Variants in SNX29 observed in about 807,000 individuals in gnomAD.
SNX29 encodes the protein sorting nexin 29, also known as sorting nexin-29.
In SNX29, 78 loss-of-function variants were observed where a neutral mutation model predicts 102.1. The ratio of observed to expected loss-of-function variants is 0.76; its 90% CI spans 0.64 to 0.92. The LOEUF (loss-of-function observed/expected upper bound fraction) is 0.92, where lower values mean the gene tolerates loss of function less well. SNX29 is among the 40% of genes least tolerant of loss of function. The pLI, the probability that SNX29 is intolerant of heterozygous loss-of-function variation, is 0.00. For synonymous variants in SNX29, 580 were observed against 414.5 expected, an observed-to-expected ratio of 1.40 and a Z score of -4.85; for missense variants, 1,280 against 1,061.7, an observed-to-expected ratio of 1.21 and a Z score of -2.86.
At chr16:12,140,558 A>G (rs900111300) in intron 13 of SNX29, among the ~76,000 whole-genome samples, 2 of 152,126 alleles carry the variant, frequency 1.3e-5, no homozygotes, top group Non-Finnish European at 2.9e-5. Flanking sequence ...CAGCCTGCAG[A>G]TGTCCCTGAC....
intron 11 of SNX29, among the ~76,000 whole-genome samples, chr16:12,118,373 T>G (rs1399186732): frequency 7.7e-6 from 1 of 130,036 alleles, no homozygotes; most frequent in African/African-American, 3.0e-5. Context: ...CAGGCTGGAG[T>G]GCAGTGGCAC....
intron 10 of SNX29, among the ~76,000 whole-genome samples, chr16:12,075,163 T>C (rs904055777): frequency 1.3e-5 from 2 of 152,232 alleles, no homozygotes; most frequent in African/African-American, 4.8e-5. Context: ...TTCTCTCAAC[T>C]CGTCAAAGTC....
chr16:12,519,730 T>G (rs2090019775), intron 19 of SNX29, among the ~76,000 whole-genome samples: 1 of 152,230 alleles, frequency 6.6e-6, no homozygotes, highest in African/African-American at 2.4e-5. Flanking sequence ...GTCTCACACC[T>G]GTAATTCCAG....
chr16:12,339,360 G>A (rs2081546507), intron 15 of SNX29, among the ~76,000 whole-genome samples: 1 of 87,642 alleles, frequency 1.1e-5, no homozygotes. Context: ...GACAGAGTGA[G>A]ATTCTGTCTC....
chr16:12,427,198 C>T (rs150390841), intron 18 of SNX29, among the ~76,000 whole-genome samples: 5,675 of 152,188 alleles, frequency 0.037, 165 homozygotes, highest in Middle Eastern at 0.1. Flanking sequence ...GGTTTCTTCT[C>T]GGTGCCAACC....
intron 11 of SNX29, among the ~76,000 whole-genome samples, chr16:12,109,221 T>A (rs2053404172): frequency 1.3e-5 from 2 of 150,394 alleles, no homozygotes; most frequent in African/African-American, 4.9e-5. Flanking sequence ...TTGTATCTGG[T>A]GAGGACCTTC....
intron 16 of SNX29, among the ~76,000 whole-genome samples, chr16:12,383,070 A>T (rs960033716): frequency 6.6e-6 from 1 of 152,268 alleles, no homozygotes; most frequent in African/African-American, 2.4e-5. Context: ...TATTTAAAAA[A>T]TTTTTTAGAA....
intron 14 of SNX29, among the ~76,000 whole-genome samples, chr16:12,216,851 ACTTGT>A (rs2077338892): frequency 6.6e-6 from 1 of 152,146 alleles, no homozygotes; most frequent in East Asian, 1.9e-4. Context: ...CTTCAAGTTC[ACTTGT>A]CTTCTCTTCT....
chr16:12,378,627 C>T (rs1005115500), intron 16 of SNX29, among the ~76,000 whole-genome samples: 2 of 152,286 alleles, frequency 1.3e-5, no homozygotes, highest in South Asian at 4.1e-4. Context: ...CACCCAAACA[C>T]CTCTCATGTG....
At chr16:12,128,053 C>G (rs1473237803) in intron 12 of SNX29, among the ~76,000 whole-genome samples, 2 of 152,154 alleles carry the variant, frequency 1.3e-5, no homozygotes, top group African/African-American at 4.8e-5. Context: ...TGACAAGCTT[C>G]TCTCTTGTCC....
At chr16:12,566,917 C>T (rs1319036895) in intron 20 of SNX29, among the ~76,000 whole-genome samples, 2 of 152,224 alleles carry the variant, frequency 1.3e-5, no homozygotes, top group Non-Finnish European at 2.9e-5. Flanking sequence ...TAAAAGGGGT[C>T]TTCATTTTGT....
chr16:12,490,706 T>C (rs933321281), intron 19 of SNX29, among the ~76,000 whole-genome samples: 7 of 152,240 alleles, frequency 4.6e-5, no homozygotes, highest in African/African-American at 1.7e-4. Flanking sequence ...ACCAGGCACC[T>C]GTGTTCCCAC....
intron 20 of SNX29, among the ~76,000 whole-genome samples, chr16:12,543,730 T>C (rs917511687): frequency 6.6e-6 from 1 of 152,234 alleles, no homozygotes; most frequent in Non-Finnish European, 1.5e-5. Context: ...AATTTTGGCA[T>C]TGCAGTGGAG....
intron 20 of SNX29, among the ~76,000 whole-genome samples, chr16:12,539,836 G>C (rs1349512991): frequency 6.6e-6 from 1 of 152,164 alleles, no homozygotes; most frequent in Admixed American, 6.5e-5. Context: ...ATCCTCTTTG[G>C]GGAAGTAAGT....
chr16:12,350,108 T>G (rs758333187), intron 15 of SNX29, among the ~76,000 whole-genome samples: 3 of 152,192 alleles, frequency 2.0e-5, no homozygotes, highest in Non-Finnish European at 4.4e-5. Flanking sequence ...GTCACTGTCA[T>G]AGAGTCACTT....
intron 19 of SNX29, among the ~76,000 whole-genome samples, chr16:12,515,355 A>C (rs2089817074): frequency 6.6e-6 from 1 of 152,210 alleles, no homozygotes; most frequent in South Asian, 2.1e-4. Flanking sequence ...GCCCCCAAAG[A>C]ATGCATGCTG....
In SNX29 at chr16:12,052,444, T is replaced by C. The variant is rs766211428; in HGVS notation, c.1124+222T>C. 553 of 450,602 alleles carry C rather than the reference T, an allele frequency of 1.2e-3. 1 individual carries two copies. The highest frequency in any genetic ancestry group is 2.0e-3 in the Middle Eastern group (3 of 1,474). 27.9% of individuals were successfully genotyped at this position (450,602 alleles called of 1,614,324 possible). A position where few individuals can be genotyped will look rare whatever the true frequency, so the allele number is the denominator to read the frequency against. ...ATTGGCCAGGCTGGTCTCAAACTCC[T>C]GACCTCAAGTGATCTGCCTGCCTTG... is the stretch of plus-strand genomic sequence containing the variant. On this transcript the variant is annotated intron_variant, in intron 8 of 20. Transcript: ENST00000566228.
chr16:12,074,828 A>C (rs1435530495), intron 10 of SNX29, among the ~76,000 whole-genome samples: 1 of 152,128 alleles, frequency 6.6e-6, no homozygotes, highest in Non-Finnish European at 1.5e-5. Context: ...TGGTCTTTTC[A>C]TATAGTCCCA....
At chr16:12,077,831 G>T (rs1305803146) in intron 10 of SNX29, among the ~76,000 whole-genome samples, 1 of 152,022 alleles carries the variant, frequency 6.6e-6, no homozygotes, top group African/African-American at 2.4e-5. Flanking sequence ...ATGTTCGCCA[G>T]GCTGGTCTCG....
Sources: gnomAD v4.1 joint callset for allele counts (sites outside exome capture counted in the v4.1 genomes callset) on GRCh38, gnomAD v4.1.1 for gene constraint, MANE v1.5 for transcripts, NCBI Gene and HGNC (gene_info 2026-07-23, HGNC 2026-07-21) for gene names.